THSD4: variants seen among roughly 807,000 people sequenced by gnomAD.
The protein encoded by THSD4 is thrombospondin type-1 domain-containing protein 4.
A neutral mutation model predicts 119.0 loss-of-function variants in THSD4; 69 were observed. The ratio of observed to expected loss-of-function variants is 0.58; its 90% CI spans 0.48 to 0.71. The LOEUF is 0.71. Ranked by LOEUF, THSD4 falls within the 30% of genes least tolerant of loss-of-function variation. The pLI is 0.00. For synonymous variants in THSD4, 524 were observed against 540.4 expected, an observed-to-expected ratio of 0.97 and a Z score of 0.42; for missense variants, 1,393 against 1,391.1, an observed-to-expected ratio of 1.00 and a Z score of -0.02.
intron 7 of THSD4, among the ~76,000 whole-genome samples, chr15:71,469,353 G>C (rs2047541335): frequency 6.6e-6 from 1 of 152,198 alleles, no homozygotes; most frequent in Non-Finnish European, 1.5e-5. Context: ...CCAAGTTGTA[G>C]TTGACTTAAC....
chr15:71,432,376 T>C (rs2046954242), intron 7 of THSD4, among the ~76,000 whole-genome samples: 1 of 152,220 alleles, frequency 6.6e-6, no homozygotes, highest in African/African-American at 2.4e-5. Flanking sequence ...TGTGAAACAA[T>C]CATTTGTTTA....
At chr15:71,698,636 C>CATGTATATATTTCATGTATATATACATGA (rs2052216017) in intron 8 of THSD4, among the ~76,000 whole-genome samples, 3 of 147,970 alleles carry the variant, frequency 2.0e-5, no homozygotes, top group Non-Finnish European at 1.5e-5. Context: ...TATATACATG[C>CATGTATATATTTCATGTATATATACATGA]ATGTATATAT....
intron 7 of THSD4, among the ~76,000 whole-genome samples, chr15:71,423,136 A>G (rs2046829195): frequency 6.6e-6 from 1 of 152,092 alleles, no homozygotes; most frequent in African/African-American, 2.4e-5. Flanking sequence ...TCCAAGTCCC[A>G]AGGCCTAAAA....
At chr15:71,524,864 G>A (rs552139089) in intron 7 of THSD4, among the ~76,000 whole-genome samples, 11 of 149,058 alleles carry the variant, frequency 7.4e-5, no homozygotes, top group Admixed American at 1.4e-4. Flanking sequence ...CGCCTGCCTC[G>A]GCCTCCCAAA....
At chr15:71,550,927 GTAAAT>G (rs1479509942) in intron 7 of THSD4, among the ~76,000 whole-genome samples, 2 of 152,156 alleles carry the variant, frequency 1.3e-5, no homozygotes, top group Non-Finnish European at 2.9e-5. Context: ...TTTATGGCAT[GTAAAT>G]TATATCACAG....
chr15:71,564,415 G>C (rs1217304335), intron 7 of THSD4, among the ~76,000 whole-genome samples: 2 of 152,152 alleles, frequency 1.3e-5, no homozygotes, highest in African/African-American at 2.4e-5. Context: ...TTCAGGTTAG[G>C]GCATGTTGCC....
At chr15:71,149,916 G>A (rs779057303) in intron 2 of THSD4, among the ~76,000 whole-genome samples, 15 of 152,084 alleles carry the variant, frequency 9.9e-5, no homozygotes, top group Non-Finnish European at 1.8e-4. Context: ...AAATTTCAAT[G>A]AGCATTATTT....
intron 10 of THSD4, chr15:71,733,978 G>A (rs2141140600): frequency 6.7e-6 from 1 of 148,182 alleles, no homozygotes; most frequent in South Asian, 2.2e-4. Context: ...TGTTGTTGTT[G>A]TTGTTGTTAT....
chr15:71,148,100 G>T (rs147615193), intron 2 of THSD4, among the ~76,000 whole-genome samples: 89 of 151,904 alleles, frequency 5.9e-4, no homozygotes, highest in African/African-American at 2.0e-3. Flanking sequence ...AAACCAATTT[G>T]CAGTTAAAAT....
intron 8 of THSD4, among the ~76,000 whole-genome samples, chr15:71,712,922 G>A (rs187685538): frequency 2.0e-5 from 3 of 152,224 alleles, no homozygotes; most frequent in Non-Finnish European, 2.9e-5. Flanking sequence ...TACCAGGGAC[G>A]AACGACTGGG....
intron 6 of THSD4, among the ~76,000 whole-genome samples, chr15:71,367,427 T>A (rs987581916): frequency 1.3e-5 from 2 of 152,228 alleles, no homozygotes; most frequent in Non-Finnish European, 2.9e-5. Context: ...TATCTCCTAA[T>A]GCTATCCCTC....
intron 3 of THSD4, chr15:71,184,242 C>T (rs1035502217): frequency 6.6e-6 from 1 of 151,826 alleles, no homozygotes; most frequent in African/African-American, 2.4e-5. Flanking sequence ...ACATAGCCTT[C>T]TTCAGACTTC....
chr15:71,392,552 G>A (rs750478459), intron 6 of THSD4, among the ~76,000 whole-genome samples: 72 of 152,262 alleles, frequency 4.7e-4, no homozygotes, highest in Admixed American at 1.4e-3. Context: ...CAGTGTGCTA[G>A]GTAGTTTGTC....
intron 7 of THSD4, among the ~76,000 whole-genome samples, chr15:71,576,336 G>A (rs905950659): frequency 1.3e-5 from 2 of 152,112 alleles, no homozygotes; most frequent in Admixed American, 6.6e-5. Flanking sequence ...TAAAAACCAT[G>A]TTTGTTTGTT....
chr15:71,664,211 T>G (rs545004477), intron 8 of THSD4, among the ~76,000 whole-genome samples: 11 of 152,170 alleles, frequency 7.2e-5, no homozygotes, highest in African/African-American at 2.6e-4. Flanking sequence ...CTCGATCTCC[T>G]GACCTCGTGA....
Position 71,102,697 on chromosome 15 carries a change from T to G in THSD4, c.-80+5691T>G, listed in dbSNP as rs150697066. 2.3e-3 allele frequency among the ~76,000 whole-genome samples: 354 copies of G among 152,300 alleles called. 1 individual carries two copies. Among genetic ancestry groups the G allele is most frequent in the African/African-American group, 8.3e-3 (346 of 41,562 alleles). On this transcript the variant is annotated intron_variant, in intron 1 of 17. Transcript: ENST00000355327. ...CTTCTGCCTCAGCCTCCTGAATAGCTGGGATTACAGATGCCTGCCACCATG... is the reference window on the plus strand; with the variant it reads ...CTTCTGCCTCAGCCTCCTGAATAGCGGGGATTACAGATGCCTGCCACCATG...
chr15:71,628,342 G>A (rs1567070138), intron 7 of THSD4, among the ~76,000 whole-genome samples: 1 of 152,156 alleles, frequency 6.6e-6, no homozygotes. Context: ...ATAGTTTTAT[G>A]TTCACACTTC....
At chr15:71,587,295 A>G (rs1172538766) in intron 7 of THSD4, among the ~76,000 whole-genome samples, 2 of 127,960 alleles carry the variant, frequency 1.6e-5, no homozygotes, top group African/African-American at 5.5e-5. Context: ...AGGACTATAA[A>G]TCATGCTGCT....
intron 7 of THSD4, among the ~76,000 whole-genome samples, chr15:71,617,798 A>G (rs1453996353): frequency 6.6e-6 from 1 of 152,242 alleles, no homozygotes; most frequent in Non-Finnish European, 1.5e-5. Flanking sequence ...TTTAGTGACT[A>G]TTTAATAACA....
Sources: gnomAD v4.1 joint callset for allele counts (sites outside exome capture counted in the v4.1 genomes callset) on GRCh38, gnomAD v4.1.1 for gene constraint, MANE v1.5 for transcripts, NCBI Gene and HGNC (gene_info 2026-07-23, HGNC 2026-07-21) for gene names.